Variants in FLNA observed in about 807,000 individuals in gnomAD.
FLNA encodes the protein filamin-A.
In FLNA, 7 loss-of-function variants were observed where a neutral mutation model predicts 157.6. The observed-to-expected ratio is 0.04, with a 90% CI of 0.03 to 0.08. The LOEUF is 0.08. FLNA is among the 10% of genes least tolerant of loss of function. The probability of loss-of-function intolerance (pLI) is 1.00; values close to 1 mark genes in which losing one functional copy is unlikely to be tolerated. For synonymous variants in FLNA, 1,103 were observed against 1,060.8 expected, an observed-to-expected ratio of 1.04 and a Z score of -0.77; for missense variants, 1,750 against 2,398.4, an observed-to-expected ratio of 0.73 and a Z score of 5.65.
At position 154,362,311 on chromosome X, in the gene FLNA, G is replaced by T. The variant is rs781901497; in HGVS notation, c.2587C>A (p.Arg863=). 8.3e-7 allele frequency: 1 copy of T among 1,209,603 alleles called. No individual in the cohort carries two copies. The highest frequency in any genetic ancestry group is 1.7e-5 in the African/African-American group (1 of 57,321). Residue 863 remains arginine (R), a synonymous_variant, in exon 18 of 48, where the codon CGA becomes AGA. Transcript: ENST00000369850. ...ADQATPTSPI[R]VKVEPSHDAS... ...TCATGAGAGGGCTCCACCTTGACTC[G>T]GATGGGGCTGGTGGGCGTGGCCTGC... is the stretch of plus-strand genomic sequence containing the variant.
Position 154,359,864 on chromosome X carries a change from G to A in FLNA, c.3847C>T (p.Arg1283Trp), listed in dbSNP as rs1231515435. ...GGCCCTCCGGTCTGTGTCAGAGCCCGGGCGTCCACACTGAACTCAGTGGTG... is the reference window on the plus strand; with the variant it reads ...GGCCCTCCGGTCTGTGTCAGAGCCCAGGCGTCCACACTGAACTCAGTGGTG... ...EATTEFSVDARALTQTGGPHV... is the reference protein window; with the variant it reads ...EATTEFSVDAWALTQTGGPHV... Residue 1283 changes from arginine (R) to tryptophan (W), a missense_variant, in exon 23 of 48, where the codon CGG becomes TGG. By Grantham distance (101) the Arg-to-Trp change is moderately radical (BLOSUM62 -3). This residue lies in a region of FLNA where 970 missense variants were observed against 1,302.6 expected (regional missense o/e 0.74). Transcript: ENST00000369850. 1.7e-6 allele frequency: 2 copies of A among 1,209,521 alleles called. No homozygotes were observed. The highest frequency in any genetic ancestry group is 2.2e-5 in the Admixed American group (1 of 45,961).
chrX:154,358,582 C>T lies in FLNA; in HGVS notation c.4475-14G>A. Reference sequence around the variant, plus strand: ...GCTCCACCAGGCCTGGCCCCAGCCCCAGGGACAGAGCATCAGCTAGTCTCC... The same window carrying T: ...GCTCCACCAGGCCTGGCCCCAGCCCTAGGGACAGAGCATCAGCTAGTCTCC... On this transcript the variant is annotated splice_polypyrimidine_tract_variant and intron_variant, in intron 26 of 47. Transcript: ENST00000369850. 2 of 1,208,520 alleles carry T rather than the reference C, an allele frequency of 1.7e-6. No individual in the cohort carries two copies. The highest frequency in any genetic ancestry group is 3.0e-5 in the East Asian group (1 of 33,851).
In FLNA at chrX:154,360,559, C is replaced by T. The variant is rs1557177804; in HGVS notation, c.3236G>A (p.Gly1079Glu). ...GCGGGCGGGGGAGCCCGCACTGCCT[C>T]CCTGCAGCCCCGGCCCAAACGCCTT... Reference protein sequence around the residue: ...KVKAFGPGLQGGSAGSPARFT... With the variant: ...KVKAFGPGLQEGSAGSPARFT... Residue 1079 changes from glycine to glutamate, a missense_variant, in exon 22 of 48, where the codon GGA becomes GAA. This residue lies in a region of FLNA where 648 missense variants were observed against 805.8 expected (regional missense o/e 0.80). Coordinates refer to ENST00000369850, the MANE Select transcript of FLNA (RefSeq NM_001110556.2). 8.3e-7 allele frequency: 1 copy of T among 1,208,164 alleles called. No homozygotes were observed. The highest frequency in any genetic ancestry group is 2.2e-5 in the Admixed American group (1 of 46,105).
At chrX:154,369,065 T>G (rs2067784326) in intron 2 of FLNA, among the ~76,000 whole-genome samples, 1 of 112,238 alleles carries the variant, frequency 8.9e-6, no homozygotes, top group Admixed American at 9.3e-5. Context: ...GCCTCCCCCA[T>G]AATCAGACAA....
intron 39 of FLNA, 30 bp from the exon 40 acceptor site, chrX:154,352,705 T>G (rs782289211): frequency 2.5e-6 from 3 of 1,211,534 alleles, no homozygotes; most frequent in Non-Finnish European, 3.4e-6. Context: ...CCCACGCCCC[T>G]CCAGTCACAT....
At chrX:154,355,120 G>A (rs1557176673) in intron 30 of FLNA, 48 bp from the exon 31 acceptor site, 6 of 1,171,209 alleles carry the variant, frequency 5.1e-6, no homozygotes, top group Non-Finnish European at 6.9e-6. Context: ...GTGTGAGCTC[G>A]GGTTCAGGTT....
At position 154,366,082 on chromosome X, in the gene FLNA, G is replaced by A. The variant is rs202112979; in HGVS notation, c.1371C>T (p.His457=). ...GGATGGGCACGCCGGCAAACGTGAC[G>A]TGCACGGTGTGGACGCCCTCCATGG... ...QPTMEGVHTV[H]VTFAGVPIPR... The change falls in exon 9 of 48, where the codon CAC becomes CAT. Residue 457 remains histidine, a synonymous_variant. Coordinates refer to ENST00000369850, the MANE Select transcript of FLNA (RefSeq NM_001110556.2). 5.0e-6 allele frequency: 6 copies of A among 1,209,135 alleles called. No individual in the cohort carries two copies. The African/African-American group carries it at 8.7e-5, about 17-fold the overall frequency.
At chrX:154,350,549 G>A (rs914513969) in intron 44 of FLNA, 6 of 382,972 alleles carry the variant, frequency 1.6e-5, no homozygotes, top group Non-Finnish European at 2.3e-5. Flanking sequence ...AGCTGGGAAG[G>A]GCAGGACTAG....
At chrX:154,371,972 G>GCCT (rs2067812020) in intron 1 of FLNA, among the ~76,000 whole-genome samples, 1 of 113,902 alleles carries the variant, frequency 8.8e-6, no homozygotes, top group South Asian at 3.4e-4. Flanking sequence ...GCAGGGCAAG[G>GCCT]CCTGCGCCTA....
At chrX:154,371,913 C>T (rs2067811536) in intron 1 of FLNA, among the ~76,000 whole-genome samples, 2 of 113,605 alleles carry the variant, frequency 1.8e-5, no homozygotes, top group Admixed American at 1.8e-4. Flanking sequence ...CAGCCCCGGA[C>T]CAGGCACTGC....
chrX:154,349,970 G>A, intron 45 of FLNA, 61 bp downstream of exon 45: 5 of 1,191,560 alleles, frequency 4.2e-6, no homozygotes, highest in Non-Finnish European at 5.7e-6. Flanking sequence ...TTGTCACCAA[G>A]AGCTTGGAGG....
rs978630492 is a variant in FLNA, at chrX:154,374,500, C to T, written c.-117+6G>A. On this transcript the variant is annotated splice_donor_region_variant and intron_variant, in intron 1 of 47. Coordinates refer to ENST00000369850, the MANE Select transcript of FLNA (RefSeq NM_001110556.2). The stretch of plus-strand genomic sequence containing the variant: ...ACGGCGCGAAGCCGGGCCGCGGAGA[C>T]CTCACCTGCTGTTCCTGAGAGCGAC... 1.8e-5 allele frequency: 2 copies of T among 112,122 alleles called. No homozygotes were observed. Among genetic ancestry groups the T allele is most frequent in the Non-Finnish European group, 3.8e-5 (2 of 52,840 alleles). 9.2% of individuals were successfully genotyped at this position (112,122 alleles called of 1,213,427 possible). A position where few individuals can be genotyped will look rare whatever the true frequency, so the allele number is the denominator to read the frequency against.
At position 154,354,929 on chromosome X, in the gene FLNA, C is replaced by T. The variant is rs1557176633; in HGVS notation, c.5113G>A (p.Asp1705Asn). 2 of 1,212,217 alleles carry T rather than the reference C, an allele frequency of 1.6e-6. No homozygotes were observed. The highest frequency in any genetic ancestry group is 2.2e-6 in the Non-Finnish European group (2 of 895,653). ...GTGTAGAAGATGTCGAAAGTGCCGTCCTCATTCTCCACCACGTCCACATCC... is the reference window on the plus strand; with the variant it reads ...GTGTAGAAGATGTCGAAAGTGCCGTTCTCATTCTCCACCACGTCCACATCC... Reference protein sequence around the residue: ...EVDVDVVENEDGTFDIFYTAP... With the variant: ...EVDVDVVENENGTFDIFYTAP... Residue 1705 changes from aspartate to asparagine, a missense_variant, in exon 31 of 48, where the codon GAC becomes AAC. Coordinates refer to ENST00000369850, the MANE Select transcript of FLNA (RefSeq NM_001110556.2).
Position 154,348,725 on chromosome X carries a change from CA to C in FLNA, c.*123del. On this transcript the variant is annotated 3_prime_UTR_variant, in exon 48 of 48. Transcript: ENST00000369850. ...CAGGTGAGCGCAGCACGGCACAGGG[CA>C]GGGGCGGCTGCAGTGACAGGCGGGC... 1 of 617,285 alleles carries C rather than the reference CA, an allele frequency of 1.6e-6. No individual in the cohort carries two copies. The highest frequency in any genetic ancestry group is 2.5e-6 in the Non-Finnish European group (1 of 400,165). 50.9% of individuals were successfully genotyped at this position (617,285 alleles called of 1,213,427 possible).
chrX:154,369,546 C>G (rs1296405207), intron 2 of FLNA, among the ~76,000 whole-genome samples: 1 of 109,997 alleles, frequency 9.1e-6, no homozygotes, highest in African/African-American at 3.3e-5. Flanking sequence ...GCCAACCCCT[C>G]CCTCCCCTAA....
chrX:154,349,872 G>A lies in FLNA; in HGVS notation c.7334-5C>T, dbSNP rs782656039. On this transcript the variant is annotated splice_region_variant and splice_polypyrimidine_tract_variant and intron_variant, in intron 45 of 47. Coordinates refer to ENST00000369850, the MANE Select transcript of FLNA (RefSeq NM_001110556.2). ...CGACGAACTCAGCTGGGTTCCCTGG[G>A]AGCACAGGAGGTCAGGCAGAGCCAG... The A allele has an allele frequency of 4.7e-5, 57 of 1,207,288 alleles. No homozygotes were observed. The Middle Eastern group carries it at 6.9e-4, about 15-fold the overall frequency.
In FLNA at chrX:154,348,744, AGGCGGGCGGCCAG is replaced by A; in HGVS notation, c.*92_*104del. On this transcript the variant is annotated 3_prime_UTR_variant, in exon 48 of 48. Transcript: ENST00000369850. ...ACAGGGCAGGGGCGGCTGCAGTGACAGGCGGGCGGCCAGGGCGGCCTGGGCCGGGGTTGAGGGG... is the reference window on the plus strand; with the variant it reads ...ACAGGGCAGGGGCGGCTGCAGTGACAGGCGGCCTGGGCCGGGGTTGAGGGG... The A allele has an allele frequency of 4.1e-6, 3 of 738,727 alleles. No homozygotes were observed. Among genetic ancestry groups the A allele is most frequent in the Non-Finnish European group, 5.8e-6 (3 of 516,266 alleles). The allele number at this position is 738,727 out of a possible 1,213,427, so 60.9% of individuals were successfully genotyped here. A position where few individuals can be genotyped will look rare whatever the true frequency, so the allele number is the denominator to read the frequency against.
chrX:154,357,205 C>T (rs782046544), intron 30 of FLNA, 46 bp downstream of exon 30: 12 of 1,176,239 alleles, frequency 1.0e-5, no homozygotes, highest in Non-Finnish European at 1.4e-5. Context: ...GAAGCTGCCC[C>T]TCTGGGCAGG....
chrX:154,370,567 C>T (rs1190685733), intron 2 of FLNA, among the ~76,000 whole-genome samples: 1 of 112,955 alleles, frequency 8.9e-6, no homozygotes, highest in African/African-American at 3.2e-5. Context: ...TGCCCGACCC[C>T]CCAGGCCCAC....
Sources: gnomAD v4.1 joint callset for allele counts (sites outside exome capture counted in the v4.1 genomes callset) on GRCh38, gnomAD v4.1.1 for gene constraint, gnomAD v4.1.1 regional missense constraint, MANE v1.5 for transcripts, NCBI Gene and HGNC (gene_info 2026-07-23, HGNC 2026-07-21) for gene names.